Variants in RARB observed in about 807,000 individuals in gnomAD.
RARB encodes HBV-activated protein.
In RARB, 17 loss-of-function variants were observed where a neutral mutation model predicts 51.9. The ratio of observed to expected loss-of-function variants is 0.33; its 90% CI spans 0.22 to 0.49. The LOEUF is 0.49. Ranked by LOEUF, RARB falls within the 20% of genes least tolerant of loss-of-function variation. The probability of loss-of-function intolerance (pLI) is 0.99; values close to 1 mark genes in which losing one functional copy is unlikely to be tolerated. For synonymous variants in RARB, 215 were observed against 195.4 expected (o/e 1.10, Z -0.84); for missense variants, 369 against 550.8 (o/e 0.67, Z 3.30).
At chr3:24,969,208 T>C (rs1227435387) in intron 2 of RARB, among the ~76,000 whole-genome samples, 1 of 152,058 alleles carries the variant, frequency 6.6e-6, no homozygotes, top group Admixed American at 6.6e-5. Context: ...TTTATTTCCC[T>C]CTCAATCTAA....
chr3:25,035,824 T>G (rs1275854252), intron 2 of RARB, among the ~76,000 whole-genome samples: 1 of 152,142 alleles, frequency 6.6e-6, no homozygotes, highest in East Asian at 1.9e-4. Context: ...ATGGCTGGAT[T>G]TGGCTTATAG....
At chr3:25,409,035 AAAT>A (rs1442408176) in intron 5 of RARB, among the ~76,000 whole-genome samples, 2 of 152,146 alleles carry the variant, frequency 1.3e-5, no homozygotes, top group African/African-American at 2.4e-5. Context: ...CTCTGTCTCA[AAAT>A]AATAATAACA....
intron 5 of RARB, among the ~76,000 whole-genome samples, chr3:25,297,283 C>G (rs1310214816): frequency 6.6e-6 from 1 of 151,966 alleles, no homozygotes; most frequent in Non-Finnish European, 1.5e-5. Flanking sequence ...ATAATTAGAC[C>G]TATAACTGAA....
chr3:25,068,228 T>A (rs1427893359), intron 3 of RARB, among the ~76,000 whole-genome samples: 1 of 143,540 alleles, frequency 7.0e-6, no homozygotes, highest in Non-Finnish European at 1.5e-5. Flanking sequence ...TCTCCCACTC[T>A]GAGTGTACCT....
At chr3:25,541,751 G>C (rs1373138906) in intron 3 of RARB, among the ~76,000 whole-genome samples, 1 of 152,136 alleles carries the variant, frequency 6.6e-6, no homozygotes, top group East Asian at 1.9e-4. Context: ...CATGATGTAA[G>C]CAGACAGTGT....
At chr3:25,083,993 G>C (rs566750846) in intron 3 of RARB, among the ~76,000 whole-genome samples, 1 of 152,174 alleles carries the variant, frequency 6.6e-6, no homozygotes, top group South Asian at 2.1e-4. Context: ...TGGAATCTTT[G>C]TTCATCTTCC....
chr3:24,889,456 C>A (rs1395290041), intron 2 of RARB, among the ~76,000 whole-genome samples: 4 of 152,092 alleles, frequency 2.6e-5, no homozygotes, highest in Admixed American at 1.3e-4. Context: ...AAAGGAAGAA[C>A]ATCATCTCAG....
chr3:24,932,687 T>C (rs1695466359), intron 2 of RARB, among the ~76,000 whole-genome samples: 1 of 152,140 alleles, frequency 6.6e-6, no homozygotes, highest in Admixed American at 6.6e-5. Context: ...ATAGCATTGC[T>C]TTCAACAAGT....
intron 5 of RARB, among the ~76,000 whole-genome samples, chr3:25,262,212 A>C (rs1199658388): frequency 1.3e-5 from 2 of 152,102 alleles, no homozygotes; most frequent in Admixed American, 6.6e-5. Flanking sequence ...TCTTTTTCCA[A>C]ACCAGAACCT....
At chr3:25,489,663 G>A (rs192025764) in intron 2 of RARB, among the ~76,000 whole-genome samples, 145 of 152,366 alleles carry the variant, frequency 9.5e-4, no homozygotes, top group African/African-American at 3.1e-3. Context: ...GGGGCTTGGC[G>A]GGAGCCTGAC....
intron 7 of RARB, among the ~76,000 whole-genome samples, chr3:25,595,705 A>G (rs1438422469): frequency 6.6e-6 from 1 of 152,230 alleles, no homozygotes; most frequent in Non-Finnish European, 1.5e-5. Flanking sequence ...GGCTTATGCA[A>G]CTGAGGCACT....
intron 2 of RARB, among the ~76,000 whole-genome samples, chr3:24,934,573 G>T (rs1442524298): frequency 6.6e-6 from 1 of 151,988 alleles, no homozygotes; most frequent in Non-Finnish European, 1.5e-5. Flanking sequence ...CTGTCCTTTT[G>T]TAGTTTTATG....
At chr3:25,026,288 A>G (rs1379503394) in intron 2 of RARB, among the ~76,000 whole-genome samples, 2 of 152,222 alleles carry the variant, frequency 1.3e-5, no homozygotes, top group African/African-American at 4.8e-5. Flanking sequence ...TTACAGGCCT[A>G]GGTGGCTTAA....
At chr3:25,409,400 T>A (rs1707499308) in intron 5 of RARB, among the ~76,000 whole-genome samples, 1 of 152,072 alleles carries the variant, frequency 6.6e-6, no homozygotes, top group African/African-American at 2.4e-5. Flanking sequence ...TTTTCCTGGT[T>A]GATAGTCATT....
intron 5 of RARB, among the ~76,000 whole-genome samples, chr3:25,588,268 C>T (rs1701480071): frequency 6.6e-6 from 1 of 152,190 alleles, no homozygotes; most frequent in African/African-American, 2.4e-5. Context: ...AGAGAATATT[C>T]TGTATGATTC....
chr3:24,867,777 G>A (rs75956902), intron 2 of RARB, among the ~76,000 whole-genome samples: 1 of 151,956 alleles, frequency 6.6e-6, no homozygotes, highest in Non-Finnish European at 1.5e-5. Flanking sequence ...ATTTTTAGTG[G>A]TCCATTAAGT....
chr3:25,121,909 T>G (rs1347443107), intron 3 of RARB, among the ~76,000 whole-genome samples: 1 of 152,180 alleles, frequency 6.6e-6, no homozygotes, highest in African/African-American at 2.4e-5. Context: ...GTCACGTTCT[T>G]CTACTTTCTT....
chr3:24,894,741 A>G (rs1264605468), intron 2 of RARB, among the ~76,000 whole-genome samples: 2 of 152,234 alleles, frequency 1.3e-5, no homozygotes, highest in African/African-American at 2.4e-5. Flanking sequence ...TCAGTTACTT[A>G]GCATATTGCT....
At chr3:25,162,549 A>C (rs1700490039) in intron 4 of RARB, among the ~76,000 whole-genome samples, 1 of 152,232 alleles carries the variant, frequency 6.6e-6, no homozygotes, top group Non-Finnish European at 1.5e-5. Context: ...CACTCTAAAA[A>C]GGAACTCCAC....
Sources: allele counts gnomAD v4.1 joint callset (sites outside exome capture counted in the v4.1 genomes callset), GRCh38; gene constraint gnomAD v4.1.1; transcripts MANE v1.5; gene names NCBI Gene and HGNC (gene_info 2026-07-23, HGNC 2026-07-21).